Variants in PEAK1 observed in about 807,000 individuals in gnomAD.
The protein encoded by PEAK1 is pseudopodium enriched atypical kinase 1.
Under a neutral mutation model 124.7 loss-of-function variants are expected in PEAK1, and 54 were observed. The observed-to-expected ratio is 0.43, with a 90% confidence interval of 0.35 to 0.54. The LOEUF (loss-of-function observed/expected upper bound fraction) is 0.54, where lower values mean the gene tolerates loss of function less well. PEAK1 is among the 20% of genes least tolerant of loss of function. The probability of loss-of-function intolerance (pLI) is 0.01; values close to 1 mark genes in which losing one functional copy is unlikely to be tolerated. For synonymous variants in PEAK1, 719 were observed against 760.0 expected, an observed-to-expected ratio of 0.95 and a Z score of 0.89; for missense variants, 2,046 against 2,134.5, an observed-to-expected ratio of 0.96 and a Z score of 0.82.
intron 8 of PEAK1, chr15:77,158,079 CTGAT>C (rs1477144107): frequency 6.3e-6 from 1 of 159,640 alleles, no homozygotes; most frequent in Admixed American, 5.9e-5. Context: ...ATTGTTGTCT[CTGAT>C]TGGAATATTC....
chr15:77,278,356 C>A (rs972546080), intron 5 of PEAK1: 2 of 253,886 alleles, frequency 7.9e-6, no homozygotes, highest in Non-Finnish European at 1.6e-5. Context: ...CAAAAGAGTA[C>A]ATAATAATTC....
At chr15:77,259,781 T>C (rs2061345300) in intron 5 of PEAK1, among the ~76,000 whole-genome samples, 1 of 152,098 alleles carries the variant, frequency 6.6e-6, no homozygotes, top group South Asian at 2.1e-4. Flanking sequence ...CAACTCAGGC[T>C]CTCAGCCAGA....
chr15:77,141,003 C>T (rs1403858818), intron 8 of PEAK1, among the ~76,000 whole-genome samples: 1 of 152,090 alleles, frequency 6.6e-6, no homozygotes, highest in African/African-American at 2.4e-5. Flanking sequence ...GCACCTCACC[C>T]ATTTCTATTC....
chr15:77,173,300 C>T (rs1382606678), intron 7 of PEAK1, among the ~76,000 whole-genome samples: 1 of 151,978 alleles, frequency 6.6e-6, no homozygotes, highest in Non-Finnish European at 1.5e-5. Flanking sequence ...AACCAATGGA[C>T]TATTTTTAAA....
rs1025672247 is a variant in PEAK1 at position 77,371,986 on chromosome 15, T to C, written c.-665-6761A>G. 5.3e-5 allele frequency among the ~76,000 whole-genome samples: 8 copies of C among 152,356 alleles called. No individual in the cohort carries two copies. The East Asian group carries it at 5.8e-4, about 11-fold the overall frequency. ...ATAATGGGTACTTTAAAATCACTCATTGAGTTGAACAGTCATAGAGAAAAT... is the reference window on the plus strand; with the variant it reads ...ATAATGGGTACTTTAAAATCACTCACTGAGTTGAACAGTCATAGAGAAAAT... On this transcript the variant is annotated intron_variant, in intron 1 of 9. Coordinates refer to ENST00000682557, the MANE Select transcript of PEAK1 (RefSeq NM_001385026.1).
chr15:77,415,336 A>C (rs547116317), intron 1 of PEAK1, among the ~76,000 whole-genome samples: 4 of 152,298 alleles, frequency 2.6e-5, no homozygotes, highest in African/African-American at 7.2e-5. Context: ...TTCCCTTGGA[A>C]GCCGTTTACA....
chr15:77,216,772 T>C (rs929826140), intron 6 of PEAK1, among the ~76,000 whole-genome samples: 1 of 152,208 alleles, frequency 6.6e-6, no homozygotes, highest in Non-Finnish European at 1.5e-5. Context: ...AAAATTAAAG[T>C]TGAGCAAACT....
chr15:77,247,936 G>T (rs893040632), intron 6 of PEAK1, among the ~76,000 whole-genome samples: 7 of 151,940 alleles, frequency 4.6e-5, no homozygotes, highest in Admixed American at 3.3e-4. Flanking sequence ...TAATCTATTT[G>T]ACTTGTTTTG....
chr15:77,138,759 G>A (rs1311213752), intron 8 of PEAK1, among the ~76,000 whole-genome samples: 1 of 151,904 alleles, frequency 6.6e-6, no homozygotes, highest in Non-Finnish European at 1.5e-5. Flanking sequence ...CTACTCAGGA[G>A]GCTGACGTAG....
chr15:77,256,409 T>TA lies in PEAK1; in HGVS notation c.-274-3884dup, dbSNP rs569192028. Reference sequence around the variant, plus strand: ...CTTAATAGTAGCGAATAGTTTCAGGTAAAAAAAAAAAAATCATATAGAATG... The same window carrying TA: ...CTTAATAGTAGCGAATAGTTTCAGGTAAAAAAAAAAAAAATCATATAGAATG... On this transcript the variant is annotated intron_variant, in intron 5 of 9. Transcript: ENST00000682557. Among the ~76,000 whole-genome samples the TA allele has an allele frequency of 5.3e-3, 761 of 143,094 alleles. 4 individuals carry two copies. The highest frequency in any genetic ancestry group is 0.044 in the East Asian group (217 of 4,980). The allele number at this position is 143,094 out of a possible 152,430, so 93.9% of individuals were successfully genotyped here.
chr15:77,354,263 T>C (rs1033195872), intron 2 of PEAK1, among the ~76,000 whole-genome samples: 5 of 152,184 alleles, frequency 3.3e-5, no homozygotes, highest in Admixed American at 6.5e-5. Context: ...ACCCATTAAA[T>C]TGCCCAACTT....
At chr15:77,377,599 A>G (rs1003370991) in intron 1 of PEAK1, among the ~76,000 whole-genome samples, 3 of 151,952 alleles carry the variant, frequency 2.0e-5, no homozygotes, top group Non-Finnish European at 1.5e-5. Context: ...CCTTCCAAGT[A>G]GCTGGGACTA....
intron 1 of PEAK1, among the ~76,000 whole-genome samples, chr15:77,416,063 G>A (rs1264672056): frequency 6.6e-6 from 1 of 152,170 alleles, no homozygotes; most frequent in Non-Finnish European, 1.5e-5. Context: ...AAGTGCTCTA[G>A]CTGAAGTTAT....
At chr15:77,145,449 A>C (rs1346057304) in intron 8 of PEAK1, among the ~76,000 whole-genome samples, 1 of 87,204 alleles carries the variant, frequency 1.1e-5, no homozygotes, top group Non-Finnish European at 2.9e-5. Context: ...ATTCCATCTC[A>C]AAAAAAAAAA....
At chr15:77,267,412 C>A (rs1023813289) in intron 5 of PEAK1, among the ~76,000 whole-genome samples, 1 of 152,118 alleles carries the variant, frequency 6.6e-6, no homozygotes, top group African/African-American at 2.4e-5. Flanking sequence ...CAACACAAAA[C>A]CAGCTTGTGT....
chr15:77,401,627 C>T, intron 1 of PEAK1: 1 of 984,928 alleles, frequency 1.0e-6, no homozygotes, highest in South Asian at 4.7e-5. Context: ...TTTGTATTTT[C>T]CACAGAATGT....
At chr15:77,385,401 A>T (rs901375994) in intron 1 of PEAK1, among the ~76,000 whole-genome samples, 2 of 152,200 alleles carry the variant, frequency 1.3e-5, no homozygotes, top group African/African-American at 4.8e-5. Flanking sequence ...TCCAGCAAAA[A>T]ATAAAAGGAC....
rs527458945 is a variant in PEAK1 at position 77,134,683 on chromosome 15, T to C, written c.3332-933A>G. 1.0e-3 allele frequency among the ~76,000 whole-genome samples: 154 copies of C among 152,284 alleles called. 1 individual carries two copies. The highest frequency in any genetic ancestry group is 3.2e-3 in the African/African-American group (133 of 41,558). ...TTTTTTAAAGACAGAAAAATATACATGAAACTTCTATAAAGGCTATTAAAA... is the reference window on the plus strand; with the variant it reads ...TTTTTTAAAGACAGAAAAATATACACGAAACTTCTATAAAGGCTATTAAAA... On this transcript the variant is annotated intron_variant, in intron 8 of 9. Transcript: ENST00000682557.
intron 6 of PEAK1, among the ~76,000 whole-genome samples, chr15:77,206,488 G>A (rs2058664563): frequency 6.7e-6 from 1 of 149,084 alleles, no homozygotes; most frequent in Non-Finnish European, 1.5e-5. Context: ...TCCAGCACCT[G>A]TTGTTTCCTG....
Sources: allele counts gnomAD v4.1 joint callset (sites outside exome capture counted in the v4.1 genomes callset), GRCh38; gene constraint gnomAD v4.1.1; transcripts MANE v1.5; gene names NCBI Gene and HGNC (gene_info 2026-07-23, HGNC 2026-07-21).